LRP1B: variants seen among roughly 807,000 people sequenced by gnomAD.
The protein encoded by LRP1B is LDL receptor related protein 1B.
LRP1B carries 217 observed loss-of-function variants against 556.6 expected under a neutral mutation model. The ratio of observed to expected loss-of-function variants is 0.39; its 90% CI spans 0.35 to 0.44. The LOEUF (loss-of-function observed/expected upper bound fraction) is 0.44, where lower values mean the gene tolerates loss of function less well. Ranked by LOEUF, LRP1B falls within the 20% of genes least tolerant of loss-of-function variation. LRP1B has a pLI of 1.00. For missense variants in LRP1B, 5,053 were observed against 5,620.8 expected (o/e 0.90, Z 3.23); for synonymous variants, 2,047 against 1,865.8 (o/e 1.10, Z -2.50).
intron 35 of LRP1B, among the ~76,000 whole-genome samples, chr2:140,766,901 T>A (rs2104929268): frequency 6.8e-6 from 1 of 147,500 alleles, no homozygotes; most frequent in African/African-American, 2.5e-5. Context: ...TACAATATTT[T>A]ACTTCCCACT....
At position 140,745,245 on chromosome 2, in the gene LRP1B, G is replaced by A. The variant is rs552809997; in HGVS notation, c.5758+23968C>T. ...AGGCTGAAACATAAGAGAAGAGTAT[G>A]TAGAGATTTTTCAGTAAGTTGAAGG... is the stretch of plus-strand genomic sequence containing the variant. On this transcript the variant is annotated intron_variant, in intron 35 of 90. Coordinates refer to ENST00000389484, the MANE Select transcript of LRP1B (RefSeq NM_018557.3). 7.5e-4 allele frequency among the ~76,000 whole-genome samples: 114 copies of A among 152,200 alleles called. 1 individual carries two copies. The highest frequency in any genetic ancestry group is 2.7e-3 in the Admixed American group (42 of 15,276).
chr2:141,123,578 T>A (rs1387943699), intron 7 of LRP1B, among the ~76,000 whole-genome samples: 2 of 152,160 alleles, frequency 1.3e-5, no homozygotes, highest in Non-Finnish European at 2.9e-5. Flanking sequence ...TGCAGAATTA[T>A]AACATATAAT....
chr2:141,909,811 T>C (rs572567441), intron 1 of LRP1B, among the ~76,000 whole-genome samples: 6 of 152,166 alleles, frequency 3.9e-5, no homozygotes, highest in Admixed American at 2.6e-4. Context: ...ATTGTGTACA[T>C]AGCAATGTCA....
At position 141,519,858 on chromosome 2, in the gene LRP1B, C is replaced by T. The variant is rs186202945; in HGVS notation, c.206-39325G>A. 2.6e-5 allele frequency among the ~76,000 whole-genome samples: 4 copies of T among 152,202 alleles called. No homozygotes were observed. In the East Asian group the frequency reaches 7.8e-4, roughly 30 times the overall value. ...AGGATCAGCAGTGGAATATGCTTGG[C>T]CTTTTTACACTGGATGATCGTGTTG... On this transcript the variant is annotated intron_variant, in intron 2 of 90. Transcript: ENST00000389484.
chr2:142,005,188 CTA>C (rs1247832773), intron 1 of LRP1B, among the ~76,000 whole-genome samples: 1 of 149,982 alleles, frequency 6.7e-6, no homozygotes, highest in African/African-American at 2.4e-5. Context: ...TATTTGGTGC[CTA>C]TATATATTTA....
At chr2:140,581,526 T>G (rs1218687180) in intron 43 of LRP1B, among the ~76,000 whole-genome samples, 3 of 150,762 alleles carry the variant, frequency 2.0e-5, no homozygotes, top group Non-Finnish European at 3.0e-5. Context: ...TAATCTGAAC[T>G]GAGATAAATG....
intron 2 of LRP1B, among the ~76,000 whole-genome samples, chr2:141,645,464 C>G: frequency 8.6e-6 from 1 of 116,834 alleles, no homozygotes; most frequent in Non-Finnish European, 1.7e-5. Context: ...CCAAAGAAGA[C>G]AAGGCTTTTT....
At chr2:142,043,406 A>T (rs1704129822) in intron 1 of LRP1B, among the ~76,000 whole-genome samples, 1 of 151,634 alleles carries the variant, frequency 6.6e-6, no homozygotes, top group African/African-American at 2.4e-5. Flanking sequence ...TGACAAGTTG[A>T]ACCTCTATTC....
chr2:140,705,789 G>T lies in LRP1B; in HGVS notation c.6024-3236C>A, dbSNP rs1039528804. ...TGGAAAACAGTAGTGATTAGATATG[G>T]TATCATTATATGTGAAGCCAAATCT... On this transcript the variant is annotated intron_variant, in intron 37 of 90. Transcript: ENST00000389484. 2.6e-5 allele frequency among the ~76,000 whole-genome samples: 4 copies of T among 151,990 alleles called. No individual in the cohort carries two copies. The East Asian group carries it at 5.8e-4, about 22-fold the overall frequency.
At chr2:141,080,787 G>T (rs1276211622) in intron 7 of LRP1B, among the ~76,000 whole-genome samples, 1 of 152,174 alleles carries the variant, frequency 6.6e-6, no homozygotes, top group Non-Finnish European at 1.5e-5. Context: ...ATGGTCAACT[G>T]CAGTCCACAG....
At chr2:141,237,039 T>A (rs555721406) in intron 5 of LRP1B, among the ~76,000 whole-genome samples, 1 of 152,210 alleles carries the variant, frequency 6.6e-6, no homozygotes, top group Non-Finnish European at 1.5e-5. Flanking sequence ...AGAAATGCCA[T>A]TTTAATTTCT....
At chr2:141,503,225 T>C (rs1297515702) in intron 2 of LRP1B, among the ~76,000 whole-genome samples, 1 of 139,636 alleles carries the variant, frequency 7.2e-6, no homozygotes, top group Non-Finnish European at 1.5e-5. Context: ...ATATAAGATA[T>C]ACAATATACA....
intron 3 of LRP1B, among the ~76,000 whole-genome samples, chr2:141,276,664 T>C (rs1685305616): frequency 6.7e-6 from 1 of 148,262 alleles, no homozygotes; most frequent in Non-Finnish European, 1.5e-5. Context: ...CTTTCTTTTT[T>C]TTTTTTTTTT....
intron 86 of LRP1B, among the ~76,000 whole-genome samples, chr2:140,256,951 T>C (rs1286942433): frequency 2.7e-5 from 4 of 148,184 alleles, no homozygotes; most frequent in East Asian, 1.9e-4. Context: ...TCAATATAAT[T>C]ATAATGTCTG....
chr2:140,470,317 C>A (rs894043501), intron 60 of LRP1B, among the ~76,000 whole-genome samples: 17 of 152,168 alleles, frequency 1.1e-4, no homozygotes, highest in Non-Finnish European at 2.2e-4. Flanking sequence ...CTCTCTTAGG[C>A]TTAAATTAAG....
At chr2:141,643,599 G>A (rs1689425991) in intron 2 of LRP1B, among the ~76,000 whole-genome samples, 1 of 152,178 alleles carries the variant, frequency 6.6e-6, no homozygotes, top group Non-Finnish European at 1.5e-5. Context: ...AAACGATTGT[G>A]AATTGGTCTA....
At chr2:140,718,118 C>A (rs1353093593) in intron 35 of LRP1B, among the ~76,000 whole-genome samples, 1 of 151,970 alleles carries the variant, frequency 6.6e-6, no homozygotes, top group East Asian at 1.9e-4. Flanking sequence ...TAGACTTATA[C>A]GTCCAACTGT....
chr2:140,529,221 A>G (rs1361995321), intron 47 of LRP1B, among the ~76,000 whole-genome samples: 1 of 152,042 alleles, frequency 6.6e-6, no homozygotes, highest in African/African-American at 2.4e-5. Flanking sequence ...TAGCAGCAAG[A>G]GAGAAAGTAA....
chr2:141,674,571 T>C (rs1690803305), intron 2 of LRP1B, among the ~76,000 whole-genome samples: 1 of 152,088 alleles, frequency 6.6e-6, no homozygotes, highest in Admixed American at 6.6e-5. Context: ...AATCATACTA[T>C]TTAATGTTTA....
Sources: allele counts gnomAD v4.1 joint callset (sites outside exome capture counted in the v4.1 genomes callset), GRCh38; gene constraint gnomAD v4.1.1; transcripts MANE v1.5; gene names NCBI Gene and HGNC (gene_info 2026-07-23, HGNC 2026-07-21).